RNLS: variants seen among roughly 807,000 people sequenced by gnomAD.
RNLS encodes the protein renalase.
In RNLS, 39 loss-of-function variants were observed where a neutral mutation model predicts 39.8. The observed-to-expected ratio is 0.98, with a 90% CI of 0.76 to 1.28. The LOEUF (loss-of-function observed/expected upper bound fraction) is 1.28. Ranked by LOEUF, RNLS falls within the 50% of genes most tolerant of loss-of-function variation. The pLI, the probability that RNLS is intolerant of heterozygous loss-of-function variation, is 0.00. For missense variants in RNLS, 410 were observed against 413.3 expected (o/e 0.99, Z 0.07); for synonymous variants, 147 against 150.7 (o/e 0.98, Z 0.18).
At chr10:88,338,230 CA>C (rs1196441645) in intron 5 of RNLS, among the ~76,000 whole-genome samples, 1 of 152,138 alleles carries the variant, frequency 6.6e-6, no homozygotes, top group East Asian at 1.9e-4. Flanking sequence ...ACTGCAGGGC[CA>C]AAATGATGGA....
the RNLS span, among the ~76,000 whole-genome samples, chr10:88,253,562 C>T: frequency 6.6e-6 from 1 of 152,116 alleles, no homozygotes; most frequent in Non-Finnish European, 1.5e-5. Flanking sequence ...CTGGTCTTGC[C>T]CTGAGAACCA....
intron 4 of RNLS, among the ~76,000 whole-genome samples, chr10:88,501,314 C>T (rs1845472631): frequency 6.6e-6 from 1 of 152,088 alleles, no homozygotes; most frequent in Admixed American, 6.6e-5. Flanking sequence ...AATGGTGATA[C>T]TACCTATATC....
chr10:88,478,637 C>T (rs1843960108), intron 4 of RNLS, among the ~76,000 whole-genome samples: 1 of 152,118 alleles, frequency 6.6e-6, no homozygotes, highest in South Asian at 2.1e-4. Context: ...AGACACAGGG[C>T]TTATCCATCC....
At chr10:88,190,940 G>A in the RNLS span, among the ~76,000 whole-genome samples, 2,920 of 152,294 alleles carry the variant, frequency 0.019, 45 homozygotes, top group Non-Finnish European at 0.031. Context: ...CAGGGCAGAC[G>A]GAAGCCCCCA....
intron 6 of RNLS, among the ~76,000 whole-genome samples, chr10:88,287,899 T>A (rs922071234): frequency 3.9e-5 from 6 of 151,942 alleles, no homozygotes. Context: ...CAGTTCAAGA[T>A]GAGACTTGGA....
intron 4 of RNLS, among the ~76,000 whole-genome samples, chr10:88,415,558 A>T (rs1318543825): frequency 6.6e-6 from 1 of 152,328 alleles, no homozygotes; most frequent in African/African-American, 2.4e-5. Flanking sequence ...TAAAAAAATA[A>T]AAGTTAACTT....
chr10:88,399,500 T>G (rs1246409246), intron 4 of RNLS, among the ~76,000 whole-genome samples: 2 of 151,968 alleles, frequency 1.3e-5, no homozygotes, highest in African/African-American at 4.8e-5. Context: ...GGATGATCCT[T>G]GAAAATATTA....
At chr10:88,271,154 C>G (rs931816431), downstream of RNLS, among the ~76,000 whole-genome samples, 1 of 152,188 alleles carries the variant, frequency 6.6e-6, no homozygotes, top group Non-Finnish European at 1.5e-5. Flanking sequence ...CAGAATCAAG[C>G]ATTTCAGTGA....
chr10:88,201,495 AC>A, the RNLS span, among the ~76,000 whole-genome samples: 1 of 152,182 alleles, frequency 6.6e-6, no homozygotes. Flanking sequence ...GGCACAAGCC[AC>A]ATACAGGGGC....
At chr10:88,355,024 C>G (rs1849041673) in intron 5 of RNLS, among the ~76,000 whole-genome samples, 1 of 152,198 alleles carries the variant, frequency 6.6e-6, no homozygotes. Context: ...GAAGCTTGTG[C>G]ATTCGTCACG....
intron 4 of RNLS, among the ~76,000 whole-genome samples, chr10:88,501,907 T>C (rs1408135390): frequency 6.6e-6 from 1 of 152,172 alleles, no homozygotes; most frequent in Non-Finnish European, 1.5e-5. Context: ...TGAGACCTGG[T>C]ATAATAATAT....
chr10:88,259,346 G>A, the RNLS span: 1 of 152,230 alleles, frequency 6.6e-6, no homozygotes. Context: ...TGGAGCCAGA[G>A]ACATGGGTAC....
chr10:88,491,249 A>C (rs1462229060), intron 4 of RNLS, among the ~76,000 whole-genome samples: 1 of 152,206 alleles, frequency 6.6e-6, no homozygotes, highest in Non-Finnish European at 1.5e-5. Flanking sequence ...ATTGCAAAAC[A>C]TACTGAAGAG....
intron 6 of RNLS, among the ~76,000 whole-genome samples, chr10:88,311,161 T>G (rs1158941520): frequency 2.0e-5 from 3 of 152,156 alleles, no homozygotes; most frequent in Non-Finnish European, 4.4e-5. Context: ...TAAACCTGAA[T>G]GCAAATCAGA....
intron 4 of RNLS, among the ~76,000 whole-genome samples, chr10:88,568,439 C>A (rs1371896052): frequency 6.6e-6 from 1 of 152,030 alleles, no homozygotes; most frequent in Non-Finnish European, 1.5e-5. Context: ...ATACTAAAAA[C>A]CACTGAATTG....
intron 4 of RNLS, among the ~76,000 whole-genome samples, chr10:88,454,219 A>G (rs988339809): frequency 2.6e-5 from 4 of 152,264 alleles, no homozygotes; most frequent in African/African-American, 7.2e-5. Context: ...AGATGTATTC[A>G]ACAGAGTCAA....
At chr10:88,353,421 C>T (rs1055180692) in intron 5 of RNLS, among the ~76,000 whole-genome samples, 8 of 152,172 alleles carry the variant, frequency 5.3e-5, no homozygotes, top group East Asian at 1.9e-4. Context: ...TCTTTGTTCT[C>T]GTTGGTTTCA....
At chr10:88,384,111 A>AT (rs748018449) in intron 4 of RNLS, among the ~76,000 whole-genome samples, 4 of 152,248 alleles carry the variant, frequency 2.6e-5, no homozygotes, top group South Asian at 4.1e-4. Flanking sequence ...AATATCCTTG[A>AT]TTTTGACTCT....
chr10:88,330,070 GAT>G (rs59527333), intron 5 of RNLS, among the ~76,000 whole-genome samples: 18,916 of 140,402 alleles, frequency 0.13, 1,406 homozygotes, highest in East Asian at 0.36. Context: ...TCTGTTTTGA[GAT>G]ATATATATAT....
Sources: gnomAD v4.1 joint callset for allele counts (sites outside exome capture counted in the v4.1 genomes callset) on GRCh38, gnomAD v4.1.1 for gene constraint, MANE v1.5 for transcripts, NCBI Gene and HGNC (gene_info 2026-07-23, HGNC 2026-07-21) for gene names.